LDLRAD3: variants seen among roughly 807,000 people sequenced by gnomAD.
The protein encoded by LDLRAD3 is low-density lipoprotein receptor class A domain-containing protein 3.
A neutral mutation model predicts 29.4 loss-of-function variants in LDLRAD3; 20 were observed. The observed-to-expected ratio is 0.68, with a 90% CI of 0.48 to 0.99. The LOEUF (loss-of-function observed/expected upper bound fraction) is 0.99, where lower values mean the gene tolerates loss of function less well. LDLRAD3 is among the 50% of genes least tolerant of loss of function. The probability of loss-of-function intolerance (pLI) is 0.00; values close to 1 mark genes in which losing one functional copy is unlikely to be tolerated. For synonymous variants in LDLRAD3, 157 were observed against 192.7 expected, an observed-to-expected ratio of 0.81 and a Z score of 1.53; for missense variants, 420 against 454.3, an observed-to-expected ratio of 0.92 and a Z score of 0.69.
intron 2 of LDLRAD3, among the ~76,000 whole-genome samples, chr11:36,041,738 C>T (rs540993167): frequency 3.6e-4 from 55 of 152,198 alleles, no homozygotes; most frequent in African/African-American, 1.3e-3. Flanking sequence ...GTGTTCTAAC[C>T]AAGTGGTTGA....
intron 4 of LDLRAD3, among the ~76,000 whole-genome samples, chr11:36,185,121 G>A (rs960075110): frequency 6.6e-6 from 1 of 152,160 alleles, no homozygotes; most frequent in African/African-American, 2.4e-5. Flanking sequence ...GGAAGTCTCT[G>A]CGCTAGAATT....
intron 4 of LDLRAD3, among the ~76,000 whole-genome samples, chr11:36,142,078 G>A (rs551265476): frequency 1.3e-5 from 2 of 151,948 alleles, no homozygotes; most frequent in Non-Finnish European, 2.9e-5. Context: ...GCTTCCAGTC[G>A]CCTCCCCCTT....
At chr11:36,210,427 G>A (rs113263015) in intron 4 of LDLRAD3, among the ~76,000 whole-genome samples, 97 of 152,088 alleles carry the variant, frequency 6.4e-4, no homozygotes, top group Non-Finnish European at 1.0e-3. Context: ...TAGGTGTTTC[G>A]AGGGCTTTCA....
chr11:36,159,943 AAC>A (rs1249253578), intron 4 of LDLRAD3, among the ~76,000 whole-genome samples: 2 of 152,166 alleles, frequency 1.3e-5, no homozygotes, highest in African/African-American at 4.8e-5. Flanking sequence ...ACTCATCAGC[AAC>A]ACAGAGCCGC....
chr11:35,999,747 G>A (rs1260374596), intron 1 of LDLRAD3, among the ~76,000 whole-genome samples: 2 of 152,166 alleles, frequency 1.3e-5, no homozygotes, highest in African/African-American at 4.8e-5. Flanking sequence ...GAAATCTCCT[G>A]TTGGATCAAA....
At chr11:36,189,000 A>G (rs1526056) in intron 4 of LDLRAD3, among the ~76,000 whole-genome samples, 65,500 of 151,422 alleles carry the variant, frequency 0.43, 15,204 homozygotes, top group Middle Eastern at 0.52. Context: ...TTTTAAAATA[A>G]AAGCTTTATT....
At position 36,229,663 on chromosome 11, in the gene LDLRAD3, T is replaced by C; in HGVS notation, c.*266T>C. ...GATCACACCCTCATTTTTCACATTA[T>C]TCTGTTTCTGTTGGAGAGACAGCAT... On this transcript the variant is annotated 3_prime_UTR_variant, in exon 6 of 6. Coordinates refer to ENST00000315571, the MANE Select transcript of LDLRAD3 (RefSeq NM_174902.4). 2 of 482,220 alleles carry C rather than the reference T, an allele frequency of 4.1e-6. No homozygotes were observed. The highest frequency in any genetic ancestry group is 7.1e-5 in the Admixed American group (2 of 28,296). The allele number at this position is 482,220 out of a possible 1,614,324, so 29.9% of individuals were successfully genotyped here. A position where few individuals can be genotyped will look rare whatever the true frequency, so the allele number is the denominator to read the frequency against.
chr11:35,986,718 T>A (rs1288154144), intron 1 of LDLRAD3, among the ~76,000 whole-genome samples: 1 of 152,224 alleles, frequency 6.6e-6, no homozygotes, highest in African/African-American at 2.4e-5. Flanking sequence ...CTAAAAGTGA[T>A]ACATGTCCCC....
intron 3 of LDLRAD3, among the ~76,000 whole-genome samples, chr11:36,096,315 A>G (rs1853360363): frequency 6.6e-6 from 1 of 152,214 alleles, no homozygotes; most frequent in South Asian, 2.1e-4. Flanking sequence ...CAGGGAGTAG[A>G]TTACAACTGC....
intron 1 of LDLRAD3, among the ~76,000 whole-genome samples, chr11:36,005,447 C>T (rs1851872481): frequency 6.6e-6 from 1 of 152,236 alleles, no homozygotes; most frequent in African/African-American, 2.4e-5. Flanking sequence ...AGTTCCTCAT[C>T]TCCATCTGAG....
At position 35,954,873 on chromosome 11, in the gene LDLRAD3, C is replaced by G. The variant is rs750984540; in HGVS notation, c.46+10729C>G. Among the ~76,000 whole-genome samples the G allele has an allele frequency of 7.2e-5, 11 of 152,298 alleles. No individual in the cohort carries two copies. In the East Asian group the frequency reaches 2.1e-3, roughly 29 times the overall value. ...CAGGCTAATGAAAACTGCTATGCAT[C>G]TTAATTCCATTTGAAGGGAGTTTAC... On this transcript the variant is annotated intron_variant, in intron 1 of 5. Transcript: ENST00000315571.
At chr11:36,158,014 A>G (rs1276042133) in intron 4 of LDLRAD3, among the ~76,000 whole-genome samples, 5 of 152,178 alleles carry the variant, frequency 3.3e-5, no homozygotes, top group East Asian at 1.9e-4. Context: ...AAATATACAG[A>G]TAGGAAGTCA....
At chr11:36,025,095 G>T (rs906520530) in intron 1 of LDLRAD3, among the ~76,000 whole-genome samples, 3 of 152,186 alleles carry the variant, frequency 2.0e-5, no homozygotes, top group East Asian at 1.9e-4. Context: ...CCAGAAGAAG[G>T]TCTTTGCATT....
intron 4 of LDLRAD3, among the ~76,000 whole-genome samples, chr11:36,127,649 GTTAACC>G (rs1468024341): frequency 6.6e-6 from 1 of 152,140 alleles, no homozygotes; most frequent in African/African-American, 2.4e-5. Flanking sequence ...TATAATGTTA[GTTAACC>G]TGAGTAGACT....
intron 4 of LDLRAD3, among the ~76,000 whole-genome samples, chr11:36,206,121 G>A (rs183402462): frequency 1.1e-4 from 16 of 152,184 alleles, no homozygotes; most frequent in African/African-American, 3.4e-4. Context: ...ATGAAGAGTC[G>A]AGAAAATTAC....
chr11:36,139,889 G>A (rs529763052), intron 4 of LDLRAD3, among the ~76,000 whole-genome samples: 14 of 152,340 alleles, frequency 9.2e-5, no homozygotes, highest in African/African-American at 2.4e-4. Flanking sequence ...GAATCCAGCC[G>A]AAGTGAATGT....
At chr11:36,111,194 T>C (rs1853599959) in intron 4 of LDLRAD3, among the ~76,000 whole-genome samples, 1 of 152,046 alleles carries the variant, frequency 6.6e-6, no homozygotes, top group South Asian at 2.1e-4. Flanking sequence ...TCGTTATCAC[T>C]GCATGCCGTG....
At chr11:36,204,127 G>A (rs1321136514) in intron 4 of LDLRAD3, among the ~76,000 whole-genome samples, 2 of 152,156 alleles carry the variant, frequency 1.3e-5, no homozygotes, top group African/African-American at 2.4e-5. Flanking sequence ...AGCAATTTGG[G>A]GGCTGAATGT....
chr11:36,224,064 A>G (rs921797819), intron 4 of LDLRAD3, among the ~76,000 whole-genome samples: 2 of 148,856 alleles, frequency 1.3e-5, no homozygotes, highest in Non-Finnish European at 3.0e-5. Flanking sequence ...TGTCTATTTT[A>G]TCATTATTAT....
Sources: allele counts gnomAD v4.1 joint callset (sites outside exome capture counted in the v4.1 genomes callset), GRCh38; gene constraint gnomAD v4.1.1; transcripts MANE v1.5; gene names NCBI Gene and HGNC (gene_info 2026-07-23, HGNC 2026-07-21).